The following GALNTL6 variants were observed in gnomAD, a reference collection of about 807,000 sequenced individuals.
GALNTL6 encodes polypeptide N-acetylgalactosaminyltransferase-like 6.
Under a neutral mutation model 73.7 loss-of-function variants are expected in GALNTL6, and 46 were observed. That is an observed-to-expected ratio of 0.62 (90% CI 0.49 to 0.80). The LOEUF is 0.80. GALNTL6 is among the 30% of genes least tolerant of loss of function. GALNTL6 has a pLI of 0.00. For synonymous variants in GALNTL6, 259 were observed against 263.7 expected (o/e 0.98, Z 0.17); for missense variants, 604 against 755.0 (o/e 0.80, Z 2.34).
intron 2 of GALNTL6, among the ~76,000 whole-genome samples, chr4:172,206,730 G>A (rs1052020648): frequency 6.6e-6 from 1 of 151,128 alleles, no homozygotes; most frequent in Non-Finnish European, 1.5e-5. Context: ...CTGAGTCTGG[G>A]AACAAAATTT....
intron 5 of GALNTL6, among the ~76,000 whole-genome samples, chr4:172,355,576 G>T (rs1561042616): frequency 1.3e-5 from 2 of 151,984 alleles, no homozygotes. Context: ...TTCTTTTATT[G>T]TAAAAGGTAT....
At chr4:172,305,248 A>G (rs1740086148) in intron 3 of GALNTL6, among the ~76,000 whole-genome samples, 1 of 152,198 alleles carries the variant, frequency 6.6e-6, no homozygotes, top group Non-Finnish European at 1.5e-5. Context: ...GAGAAAATTA[A>G]CATAAATTAC....
At chr4:172,771,848 C>A (rs548935511) in intron 5 of GALNTL6, among the ~76,000 whole-genome samples, 1 of 152,060 alleles carries the variant, frequency 6.6e-6, no homozygotes, top group East Asian at 1.9e-4. Context: ...AGAAAGATTT[C>A]AATCTTTTTT....
At chr4:172,025,063 C>T (rs1297311323) in intron 2 of GALNTL6, among the ~76,000 whole-genome samples, 1 of 151,930 alleles carries the variant, frequency 6.6e-6, no homozygotes, top group African/African-American at 2.4e-5. Flanking sequence ...TGCTTCACAG[C>T]TTAATTTTTA....
At chr4:172,327,765 T>G (rs149395820) in intron 4 of GALNTL6, among the ~76,000 whole-genome samples, 1 of 152,274 alleles carries the variant, frequency 6.6e-6, no homozygotes, top group African/African-American at 2.4e-5. Context: ...TCCATTTCTT[T>G]ATTTTGAGCC....
At chr4:172,082,872 G>A (rs577520318) in intron 2 of GALNTL6, among the ~76,000 whole-genome samples, 1 of 152,098 alleles carries the variant, frequency 6.6e-6, no homozygotes, top group South Asian at 2.1e-4. Flanking sequence ...TGGAAGTGGA[G>A]GGAGAGGGGT....
intron 5 of GALNTL6, among the ~76,000 whole-genome samples, chr4:172,368,746 T>G (rs1318254042): frequency 6.6e-6 from 1 of 152,152 alleles, no homozygotes; most frequent in Non-Finnish European, 1.5e-5. Context: ...TTCCCTCTGG[T>G]GGGTTCTTGG....
chr4:172,235,089 A>G (rs541322465), intron 3 of GALNTL6, among the ~76,000 whole-genome samples: 1 of 152,222 alleles, frequency 6.6e-6, no homozygotes, highest in South Asian at 2.1e-4. Context: ...ACATATTCTT[A>G]TGTCCTCATA....
At chr4:171,840,056 T>A (rs189526485) in intron 2 of GALNTL6, among the ~76,000 whole-genome samples, 1 of 152,258 alleles carries the variant, frequency 6.6e-6, no homozygotes, top group African/African-American at 2.4e-5. Context: ...ATTACTGAAG[T>A]AGTGCCGGCC....
chr4:172,059,234 C>A (rs921389233), intron 2 of GALNTL6, among the ~76,000 whole-genome samples: 2 of 152,106 alleles, frequency 1.3e-5, no homozygotes, highest in African/African-American at 2.4e-5. Flanking sequence ...CTGATTCAGA[C>A]AGAATAAGAG....
At chr4:172,477,067 G>A (rs1196634369) in intron 5 of GALNTL6, among the ~76,000 whole-genome samples, 5 of 151,222 alleles carry the variant, frequency 3.3e-5, no homozygotes, top group African/African-American at 1.2e-4. Flanking sequence ...GACTACAGGC[G>A]CCCGCCACCA....
chr4:172,867,073 T>C (rs1183075542), intron 7 of GALNTL6, among the ~76,000 whole-genome samples: 4 of 152,280 alleles, frequency 2.6e-5, no homozygotes, highest in Non-Finnish European at 5.9e-5. Flanking sequence ...GAGAAAGCTA[T>C]CTGGAAGAAA....
intron 5 of GALNTL6, among the ~76,000 whole-genome samples, chr4:172,489,784 C>T (rs943713290): frequency 2.6e-5 from 4 of 152,150 alleles, no homozygotes; most frequent in East Asian, 1.9e-4. Context: ...TGCCATTTTA[C>T]GGCTAACACA....
intron 5 of GALNTL6, among the ~76,000 whole-genome samples, chr4:172,417,172 A>ATGTGTG (rs201314253): frequency 1.3e-5 from 2 of 148,894 alleles, no homozygotes; most frequent in African/African-American, 4.9e-5. Flanking sequence ...CTGTTGCTTT[A>ATGTGTG]TGTGTGTGTG....
chr4:172,088,918 T>C (rs1231866969), intron 2 of GALNTL6, among the ~76,000 whole-genome samples: 2 of 152,174 alleles, frequency 1.3e-5, no homozygotes, highest in African/African-American at 4.8e-5. Flanking sequence ...TAAAATTTTA[T>C]TTTCAGAAAG....
At chr4:172,190,668 T>A (rs1179732617) in intron 2 of GALNTL6, among the ~76,000 whole-genome samples, 1 of 152,176 alleles carries the variant, frequency 6.6e-6, no homozygotes, top group African/African-American at 2.4e-5. Flanking sequence ...AACCAGGCCA[T>A]ATGGGCCTCA....
At chr4:172,062,078 T>C (rs1014436162) in intron 2 of GALNTL6, among the ~76,000 whole-genome samples, 1 of 151,514 alleles carries the variant, frequency 6.6e-6, no homozygotes, top group Non-Finnish European at 1.5e-5. Flanking sequence ...GCCTCCTGAG[T>C]AGCTGGGACT....
intron 12 of GALNTL6, among the ~76,000 whole-genome samples, chr4:173,032,613 A>T (rs1753518650): frequency 6.6e-6 from 1 of 152,122 alleles, no homozygotes; most frequent in Non-Finnish European, 1.5e-5. Context: ...TGAGCCTGGG[A>T]TGTCGAGGCT....
chr4:171,993,611 C>A (rs1740403178), intron 2 of GALNTL6, among the ~76,000 whole-genome samples: 1 of 151,922 alleles, frequency 6.6e-6, no homozygotes, highest in Non-Finnish European at 1.5e-5. Context: ...TTAGATAAAA[C>A]AATGTACTTA....
Sources: allele counts gnomAD v4.1 joint callset (sites outside exome capture counted in the v4.1 genomes callset), GRCh38; gene constraint gnomAD v4.1.1; transcripts MANE v1.5; gene names NCBI Gene and HGNC (gene_info 2026-07-23, HGNC 2026-07-21).